CASP10: variants seen among roughly 807,000 people sequenced by gnomAD.
The protein encoded by CASP10 is caspase-10.
CASP10 carries 41 observed loss-of-function variants against 48.5 expected under a neutral mutation model. That is an observed-to-expected ratio of 0.85 (90% CI 0.66 to 1.10). The LOEUF (loss-of-function observed/expected upper bound fraction) is 1.10, where lower values mean the gene tolerates loss of function less well. Among genes scored for constraint, CASP10 ranks in the 50% least tolerant of loss-of-function variants. The pLI is 0.00. For synonymous variants in CASP10, 232 were observed against 238.4 expected, an observed-to-expected ratio of 0.97 and a Z score of 0.25; for missense variants, 614 against 614.5, an observed-to-expected ratio of 1.00 and a Z score of 0.01.
chr2:201,198,009 A>G (rs961094966), intron 5 of CASP10, among the ~76,000 whole-genome samples: 4 of 152,138 alleles, frequency 2.6e-5, no homozygotes, highest in African/African-American at 7.2e-5. Flanking sequence ...TTCCTCACCA[A>G]GACGTATTAT....
At chr2:201,192,576 A>G (rs1156480752) in intron 3 of CASP10, among the ~76,000 whole-genome samples, 2 of 152,054 alleles carry the variant, frequency 1.3e-5, no homozygotes, top group African/African-American at 4.8e-5. Flanking sequence ...CTTAGAGTTC[A>G]GTGGTTAATA....
In CASP10 at chr2:201,218,134, C is replaced by G. The variant is rs1465949886; in HGVS notation, c.*393C>G. The G allele has an allele frequency of 1.1e-6, 1 of 900,072 alleles. No individual in the cohort carries two copies. Among genetic ancestry groups the G allele is most frequent in the African/African-American group, 1.8e-5 (1 of 55,834 alleles). The allele number at this position is 900,072 out of a possible 1,614,324, so 55.8% of individuals were successfully genotyped here. A position where few individuals can be genotyped will look rare whatever the true frequency, so the allele number is the denominator to read the frequency against. On this transcript the variant is annotated 3_prime_UTR_variant, in exon 10 of 10. Transcript: ENST00000286186. ...GAGGGATCTCACTTTGTTGCACAGG[C>G]TGGTTTCAAACTCCTAGGCCCAAGT...
In CASP10 at chr2:201,219,031, A is replaced by G. The variant is rs1416008268; in HGVS notation, c.*1290A>G. ...ATGCCTGTAATCCCAGTACTCTGGG[A>G]AGCCAAGGCAGGCAGATCACTTGAG... On this transcript the variant is annotated 3_prime_UTR_variant, in exon 10 of 10. Coordinates refer to ENST00000286186, the MANE Select transcript of CASP10 (RefSeq NM_032977.4). 1 of 968,700 alleles carries G rather than the reference A, an allele frequency of 1.0e-6. No individual in the cohort carries two copies. The highest frequency in any genetic ancestry group is 1.8e-5 in the African/African-American group (1 of 56,924). 60.0% of individuals were successfully genotyped at this position (968,700 alleles called of 1,614,324 possible).
chr2:201,217,416 A>G (rs927889095), intron 9 of CASP10, among the ~76,000 whole-genome samples, 172 bp from the exon 10 acceptor site: 3 of 152,010 alleles, frequency 2.0e-5, no homozygotes, highest in Admixed American at 1.3e-4. Context: ...CTAATTAGCC[A>G]ATTGTGGTGG....
Position 201,220,203 on chromosome 2 carries a change from A to G in CASP10, c.*2462A>G. ...ACCGTCATCTTAGACAAACACCGCC[A>G]CTTTAAGTTCCAGTTCCCTTTCTAG... On this transcript the variant is annotated 3_prime_UTR_variant, in exon 10 of 10. Coordinates refer to ENST00000286186, the MANE Select transcript of CASP10 (RefSeq NM_032977.4). 2.1e-6 allele frequency: 2 copies of G among 943,720 alleles called. No individual in the cohort carries two copies. The highest frequency in any genetic ancestry group is 4.9e-5 in the South Asian group (1 of 20,466). 58.5% of individuals were successfully genotyped at this position (943,720 alleles called of 1,614,324 possible).
chr2:201,217,858 G>C lies in CASP10; in HGVS notation c.*117G>C, dbSNP rs1389356859. 2.5e-6 allele frequency: 4 copies of C among 1,602,372 alleles called. No homozygotes were observed. The highest frequency in any genetic ancestry group is 2.7e-5 in the African/African-American group (2 of 74,464). ...TGTCATTCTAGAAACAGGAAACACCGTGTTTTCTGACACAGTCAATTCTGA... is the reference window on the plus strand; with the variant it reads ...TGTCATTCTAGAAACAGGAAACACCCTGTTTTCTGACACAGTCAATTCTGA... On this transcript the variant is annotated 3_prime_UTR_variant, in exon 10 of 10. Transcript: ENST00000286186.
At chr2:201,194,649 A>T (rs1176203570) in intron 4 of CASP10, among the ~76,000 whole-genome samples, 1 of 152,056 alleles carries the variant, frequency 6.6e-6, no homozygotes, top group Non-Finnish European at 1.5e-5. Context: ...GTAATGCCAT[A>T]TCCCATATAA....
At chr2:201,207,892 AT>A (rs747702510) in intron 7 of CASP10, among the ~76,000 whole-genome samples, 182 bp from the exon 8 acceptor site, 35 of 152,234 alleles carry the variant, frequency 2.3e-4, no homozygotes, top group Non-Finnish European at 5.0e-4. Context: ...GTGAGACTCC[AT>A]CTCAAAACAA....
Position 201,219,185 on chromosome 2 carries a change from T to C in CASP10, c.*1444T>C. ...CTCGGGAGGCTGAGACAGGAGAATC[T>C]CTTGAATCCAGGAGGCAGAGGCTGT... On this transcript the variant is annotated 3_prime_UTR_variant, in exon 10 of 10. Transcript: ENST00000286186. 5.1e-6 allele frequency: 1 copy of C among 194,620 alleles called. No homozygotes were observed. The highest frequency in any genetic ancestry group is 9.4e-6 in the Non-Finnish European group (1 of 106,942). 12.1% of individuals were successfully genotyped at this position (194,620 alleles called of 1,614,324 possible). A position where few individuals can be genotyped will look rare whatever the true frequency, so the allele number is the denominator to read the frequency against.
chr2:201,184,008 A>T (rs1216981414), intron 1 of CASP10, among the ~76,000 whole-genome samples: 3 of 151,758 alleles, frequency 2.0e-5, no homozygotes, highest in Non-Finnish European at 2.9e-5. Context: ...CAATCCTCCC[A>T]TCTCAGCTTC....
chr2:201,184,873 A>G (rs1440661026), intron 1 of CASP10, among the ~76,000 whole-genome samples: 1 of 152,200 alleles, frequency 6.6e-6, no homozygotes, highest in African/African-American at 2.4e-5. Flanking sequence ...GTAAAGAAAC[A>G]AAAGAATGGC....
intron 1 of CASP10, among the ~76,000 whole-genome samples, chr2:201,184,084 C>A (rs1488997894): frequency 6.6e-6 from 1 of 151,570 alleles, no homozygotes; most frequent in East Asian, 1.9e-4. Flanking sequence ...TTTGTAGAGA[C>A]GGGGTTTCAC....
chr2:201,193,926 T>G (rs1479012129), intron 4 of CASP10, among the ~76,000 whole-genome samples: 1 of 152,172 alleles, frequency 6.6e-6, no homozygotes, highest in Non-Finnish European at 1.5e-5. Flanking sequence ...TGTACCTACC[T>G]CCTAGGTTTT....
At chr2:201,186,439 C>T (rs982978078) in intron 2 of CASP10, 4 of 381,086 alleles carry the variant, frequency 1.0e-5, no homozygotes, top group South Asian at 9.5e-5. Context: ...ACGTGCAGAT[C>T]TTCTCCCTCC....
At chr2:201,212,396 C>T (rs1945428062) in intron 9 of CASP10, 1 of 152,198 alleles carries the variant, frequency 6.6e-6, no homozygotes, top group Non-Finnish European at 1.5e-5. Flanking sequence ...GGAAGGAAGT[C>T]AGGGGTGGAG....
chr2:201,226,691 A>G (rs535325602), intron 9 of CASP10, among the ~76,000 whole-genome samples: 56 of 34,644 alleles, frequency 1.6e-3, no homozygotes, highest in Non-Finnish European at 1.7e-3. Flanking sequence ...GTAAAAGTAC[A>G]AAAAAAAAAA....
At chr2:201,224,593 C>G (rs1297268754), downstream of CASP10, among the ~76,000 whole-genome samples, 1 of 152,160 alleles carries the variant, frequency 6.6e-6, no homozygotes, top group Admixed American at 6.5e-5. Context: ...CAGTCCTCCC[C>G]ACTTCTGCAT....
chr2:201,200,489 CAGATGACCTGT>C, intron 5 of CASP10: 2 of 1,598,328 alleles, frequency 1.3e-6, no homozygotes. Context: ...GGAAACTCGC[CAGATGACCTGT>C]AGCTCCTGGA....
chr2:201,205,003 G>T (rs1347236052), intron 6 of CASP10, among the ~76,000 whole-genome samples: 1 of 152,048 alleles, frequency 6.6e-6, no homozygotes, highest in Non-Finnish European at 1.5e-5. Context: ...AGAGTTTGGT[G>T]GGTTCTACTA....
Sources: allele counts gnomAD v4.1 joint callset (sites outside exome capture counted in the v4.1 genomes callset), GRCh38; gene constraint gnomAD v4.1.1; transcripts MANE v1.5; gene names NCBI Gene and HGNC (gene_info 2026-07-23, HGNC 2026-07-21).